Variants in LRRD1 observed in about 807,000 individuals in gnomAD.
LRRD1 encodes leucine-rich repeat and death domain-containing protein 1.
In LRRD1, 49 loss-of-function variants were observed where a neutral mutation model predicts 69.5. The observed-to-expected ratio is 0.70, with a 90% CI of 0.56 to 0.89. The LOEUF (loss-of-function observed/expected upper bound fraction) is 0.89, where lower values mean the gene tolerates loss of function less well. LRRD1 is among the 40% of genes least tolerant of loss of function. LRRD1 has a pLI of 0.00. For missense variants in LRRD1, 853 were observed against 956.0 expected (o/e 0.89, Z 1.42); for synonymous variants, 303 against 338.9 (o/e 0.89, Z 1.16).
chr7:92,163,130 ATG>A lies in LRRD1; in HGVS notation c.1917+154_1917+155del, dbSNP rs1225708497. Among the ~76,000 whole-genome samples the A allele has an allele frequency of 3.9e-5, 6 of 152,278 alleles. No homozygotes were observed. The Middle Eastern group carries it at 0.017, about 432-fold the overall frequency. On this transcript the variant is annotated intron_variant, in intron 2 of 5. Coordinates refer to ENST00000458448, the MANE Select transcript of LRRD1 (RefSeq NM_001161528.2). ...GTGTTGTGAATTGTATTTATAAGCC[ATG>A]TTTGGCGGGGACGGGGAGGGCTTTC...
intron 3 of LRRD1, among the ~76,000 whole-genome samples, chr7:92,158,486 TTTG>T (rs1162115283): frequency 6.6e-6 from 1 of 152,178 alleles, no homozygotes; most frequent in East Asian, 1.9e-4. Flanking sequence ...CAACGCAGTA[TTTG>T]TTGTACTTTG....
rs114031257 is a variant in LRRD1, at chr7:92,150,593, C to A, written c.2219G>T (p.Cys740Phe). 2,866 of 1,551,580 alleles carry A rather than the reference C, an allele frequency of 1.8e-3. 63 individuals carry two copies. The African/African-American group carries it at 0.035, about 19-fold the overall frequency. ...AATAGTATACAACTGTTTTCCTTTA[C>A]AGATTTCCACTGGAGGTCTCAGCAA... ...NPLLRPPVEI[C>F]KGKQLYTIAR... Residue 740 changes from cysteine to phenylalanine, a missense_variant, in exon 4 of 6, where the codon TGT (cysteine) becomes TTT (phenylalanine). Transcript: ENST00000458448.
chr7:92,162,931 A>G (rs1261393628), intron 2 of LRRD1, among the ~76,000 whole-genome samples: 2 of 152,180 alleles, frequency 1.3e-5, no homozygotes, highest in Non-Finnish European at 2.9e-5. Flanking sequence ...TGCTTGTGGA[A>G]TGACTTTTGT....
chr7:92,164,688 T>C lies in LRRD1; in HGVS notation c.515A>G (p.Asp172Gly), dbSNP rs974560361. 6 of 1,551,168 alleles carry C rather than the reference T, an allele frequency of 3.9e-6. No homozygotes were observed. Among genetic ancestry groups the C allele is most frequent in the Non-Finnish European group, 4.4e-6 (5 of 1,146,658 alleles). The change falls in exon 2 of 6, where the codon GAC becomes GGC. Residue 172 changes from aspartate to glycine, a missense_variant. By Grantham distance (94) the Asp-to-Gly change is moderately conservative. This residue lies in a region of LRRD1 where 739 missense variants were observed against 808.0 expected (regional missense o/e 0.91). Transcript: ENST00000458448. ...TTGAAATGTTTTGATTTGATTCTTG[T>C]CTAAATATAGATATTTTACATATTT... is the stretch of plus-strand genomic sequence containing the variant. ...KIKYVKYLYL[D>G]KNQIKTFQGA...
intron 3 of LRRD1, among the ~76,000 whole-genome samples, chr7:92,153,087 C>CA: frequency 6.6e-6 from 1 of 151,970 alleles, no homozygotes; most frequent in South Asian, 2.1e-4. Flanking sequence ...TATTTTGAGA[C>CA]AGAGTCTAGC....
At position 92,150,564 on chromosome 7, in the gene LRRD1, G is replaced by A. The variant is rs1382456578; in HGVS notation, c.2248C>T (p.Arg750Cys). The A allele has an allele frequency of 2.3e-5, 35 of 1,551,120 alleles. No homozygotes were observed. Among genetic ancestry groups the A allele is most frequent in the African/African-American group, 5.5e-5 (4 of 73,034 alleles). The change falls in exon 4 of 6, where the codon CGC (arginine) becomes TGC (cysteine). Residue 750 changes from arginine (R) to cysteine (C), a missense_variant. Arg to Cys is a radical substitution (Grantham distance 180). Around this residue, in one of 3 missense-constraint regions of LRRD1, gnomAD observed 739 missense variants for 808.0 expected, o/e 0.91. Transcript: ENST00000458448. ...CTTTCATCTGCCCTCTGTAGATAGC[G>A]TGCAATAGTATACAACTGTTTTCCT... ...CKGKQLYTIA[R>C]YLQRADERDE...
intron 1 of LRRD1, among the ~76,000 whole-genome samples, chr7:92,174,107 T>C (rs1004263712): frequency 2.6e-5 from 4 of 152,014 alleles, no homozygotes; most frequent in African/African-American, 9.7e-5. Context: ...TTCTCACTCA[T>C]ATGTGGGAGC....
At position 92,176,650 on chromosome 7, in the gene LRRD1, G is replaced by A. The variant is rs542745657; in HGVS notation, c.-75+2357C>T. ...GCAATCTCGGCTCACTGCAACCTCC[G>A]CCTTCCAGGTTCAAGTGATTCTCCT... is the stretch of plus-strand genomic sequence containing the variant. On this transcript the variant is annotated intron_variant, in intron 1 of 5. Coordinates refer to ENST00000458448, the MANE Select transcript of LRRD1 (RefSeq NM_001161528.2). Among the ~76,000 whole-genome samples the A allele has an allele frequency of 6.0e-5, 9 of 151,094 alleles. No homozygotes were observed. The East Asian group carries it at 1.4e-3, about 23-fold the overall frequency.
chr7:92,164,673 T>C lies in LRRD1; in HGVS notation c.530A>G (p.Lys177Arg), dbSNP rs1203512140. 4 of 1,551,550 alleles carry C rather than the reference T, an allele frequency of 2.6e-6. No individual in the cohort carries two copies. In the African/African-American group the frequency reaches 5.5e-5, roughly 21 times the overall value. Residue 177 changes from lysine to arginine, a missense_variant, in exon 2 of 6, where the codon AAA (lysine) becomes AGA (arginine). Lys to Arg is a conservative substitution (Grantham distance 26). Coordinates refer to ENST00000458448, the MANE Select transcript of LRRD1 (RefSeq NM_001161528.2). ...ACCTGAGTCTGCCCCTTGAAATGTT[T>C]TGATTTGATTCTTGTCTAAATATAG... Reference protein sequence around the residue: ...KYLYLDKNQIKTFQGADSGDL... With the variant: ...KYLYLDKNQIRTFQGADSGDL...
intron 3 of LRRD1, among the ~76,000 whole-genome samples, chr7:92,158,787 A>G (rs1308172803): frequency 2.0e-5 from 3 of 152,154 alleles, no homozygotes; most frequent in Non-Finnish European, 4.4e-5. Context: ...AGAGAAAATA[A>G]ATGAAAATAT....
chr7:92,153,105 C>A (rs1249368804), intron 3 of LRRD1, among the ~76,000 whole-genome samples: 1 of 152,126 alleles, frequency 6.6e-6, no homozygotes, highest in Non-Finnish European at 1.5e-5. Context: ...AGCTCTGTCA[C>A]CCAGGCTGTA....
rs765958717 is a variant in LRRD1, at chr7:92,164,903, T to C, written c.300A>G (p.Leu100=). The part of the protein sequence containing the change: ...TSTRTGTSQS[L]SSLTGRTAEY... ...CTGCAGTCCTCCCAGTTAGTGATGA[T>C]AAACTCTGTGAAGTTCCTGTTCTAG... Residue 100 remains leucine, a synonymous_variant, in exon 2 of 6, where the codon TTA becomes TTG. Transcript: ENST00000458448. The C allele has an allele frequency of 1.3e-6, 2 of 1,551,614 alleles. No individual in the cohort carries two copies. Among genetic ancestry groups the C allele is most frequent in the Admixed American group, 2.0e-5 (1 of 51,004 alleles).
chr7:92,165,394 A>G (rs1388726476), intron 1 of LRRD1, 118 bp from the exon 2 acceptor site: 1 of 318,922 alleles, frequency 3.1e-6, no homozygotes, highest in Non-Finnish European at 5.6e-6. Context: ...TAATACATTT[A>G]TAACAAACTA....
In LRRD1 at chr7:92,144,950, C is replaced by T. The variant is rs1820279759; in HGVS notation, c.2521G>A (p.Ala841Thr). ...GTTATTTTGTCCATAATTTCATATGCTCCTATCATAGTTAGTGCTCGAATT... is the reference window on the plus strand; with the variant it reads ...GTTATTTTGTCCATAATTTCATATGTTCCTATCATAGTTAGTGCTCGAATT... ...QLIRALTMIGAYEIMDKITAL... is the reference protein window; with the variant it reads ...QLIRALTMIGTYEIMDKITAL... The change falls in exon 6 of 6, where the codon GCA (alanine) becomes ACA (threonine). Residue 841 changes from alanine (A) to threonine (T), a missense_variant. Physicochemically the swap from Ala to Thr is moderately conservative, Grantham distance 58. Transcript: ENST00000458448. 4.5e-6 allele frequency: 7 copies of T among 1,542,164 alleles called. No homozygotes were observed. In the South Asian group the frequency reaches 6.1e-5, roughly 13 times the overall value.
chr7:92,174,114 G>C (rs1038944233), intron 1 of LRRD1, among the ~76,000 whole-genome samples: 12 of 152,154 alleles, frequency 7.9e-5, no homozygotes, highest in African/African-American at 2.9e-4. Flanking sequence ...TCATATGTGG[G>C]AGCTAAAAAG....
At chr7:92,158,109 C>A (rs1788706923) in intron 3 of LRRD1, among the ~76,000 whole-genome samples, 1 of 152,096 alleles carries the variant, frequency 6.6e-6, no homozygotes, top group Non-Finnish European at 1.5e-5. Context: ...CTTGTGTAGT[C>A]CCCTCCCACA....
At chr7:92,151,412 A>C (rs936389892) in intron 3 of LRRD1, among the ~76,000 whole-genome samples, 1 of 152,238 alleles carries the variant, frequency 6.6e-6, no homozygotes, top group African/African-American at 2.4e-5. Context: ...GGTGAAGTGC[A>C]CTTATCACAT....
At chr7:92,161,221 G>C (rs148839742) in intron 2 of LRRD1, among the ~76,000 whole-genome samples, 4 of 152,354 alleles carry the variant, frequency 2.6e-5, no homozygotes, top group Non-Finnish European at 1.5e-5. Context: ...CTTCAGATAA[G>C]TGACCATCTG....
intron 5 of LRRD1, among the ~76,000 whole-genome samples, chr7:92,145,781 A>G (rs1820309622): frequency 6.6e-6 from 1 of 152,082 alleles, no homozygotes; most frequent in South Asian, 2.1e-4. Flanking sequence ...TCTCATGACA[A>G]TTCTCTTATA....
Sources: allele counts gnomAD v4.1 joint callset (sites outside exome capture counted in the v4.1 genomes callset), GRCh38; gene constraint gnomAD v4.1.1; regional missense constraint gnomAD v4.1.1; transcripts MANE v1.5; gene names NCBI Gene and HGNC (gene_info 2026-07-23, HGNC 2026-07-21).